The following AFG1L variants were observed in gnomAD, a reference collection of about 807,000 sequenced individuals.
AFG1L encodes AFG1-like ATPase.
Under a neutral mutation model 62.2 loss-of-function variants are expected in AFG1L, and 53 were observed. The observed-to-expected ratio is 0.85, with a 90% CI of 0.68 to 1.07. The LOEUF is 1.07. AFG1L is among the 50% of genes least tolerant of loss of function. AFG1L has a pLI of 0.00. For missense variants in AFG1L, 555 were observed against 590.5 expected (o/e 0.94, Z 0.62); for synonymous variants, 228 against 210.3 (o/e 1.08, Z -0.73).
At chr6:108,300,412 A>T (rs374840610) in intron 1 of AFG1L, among the ~76,000 whole-genome samples, 75 of 151,972 alleles carry the variant, frequency 4.9e-4, no homozygotes, top group African/African-American at 1.7e-3. Context: ...TTGGACCCCC[A>T]AAGTGCAGGG....
chr6:108,504,570 C>G (rs780950738), intron 10 of AFG1L, among the ~76,000 whole-genome samples: 1 of 152,124 alleles, frequency 6.6e-6, no homozygotes, highest in African/African-American at 2.4e-5. Flanking sequence ...AAAAGTGTGA[C>G]ATATTGTGGC....
chr6:108,519,658 G>A lies in AFG1L; in HGVS notation c.1204-39G>A, dbSNP rs201798219. On this transcript the variant is annotated intron_variant, in intron 11 of 12. Transcript: ENST00000368977. ...TTTTCTTACCTTCAACTTGTGAAAT[G>A]TAAAGAGTAACACATTTACCCATTT... is the stretch of plus-strand genomic sequence containing the variant. 9.7e-5 allele frequency: 103 copies of A among 1,064,214 alleles called. 2 individuals are homozygous for A. Among genetic ancestry groups the A allele is most frequent in the South Asian group, 7.3e-4 (54 of 74,360 alleles). The allele number at this position is 1,064,214 out of a possible 1,614,324, so 65.9% of individuals were successfully genotyped here.
At chr6:108,421,838 G>A (rs1177221906) in intron 7 of AFG1L, among the ~76,000 whole-genome samples, 1 of 151,750 alleles carries the variant, frequency 6.6e-6, no homozygotes, top group African/African-American at 2.4e-5. Context: ...TTCTTTGCTT[G>A]CACCTCCAAT....
chr6:108,462,029 A>G (rs1582621454), intron 8 of AFG1L, among the ~76,000 whole-genome samples: 1 of 152,000 alleles, frequency 6.6e-6, no homozygotes, highest in African/African-American at 2.4e-5. Context: ...TGGGAGGTGG[A>G]GCTTGCAGTG....
At chr6:108,520,925 G>A (rs1324044606) in intron 12 of AFG1L, 2 of 152,222 alleles carry the variant, frequency 1.3e-5, no homozygotes, top group Non-Finnish European at 2.9e-5. Flanking sequence ...TCTGGGGCAT[G>A]TTTTATAAAG....
chr6:108,388,626 C>T (rs1399763376), intron 6 of AFG1L, among the ~76,000 whole-genome samples: 6 of 151,694 alleles, frequency 4.0e-5, no homozygotes, highest in South Asian at 2.1e-4. Context: ...GCCTTCATTT[C>T]GTTATGTACC....
intron 7 of AFG1L, among the ~76,000 whole-genome samples, chr6:108,431,665 A>G (rs1771083887): frequency 7.0e-6 from 1 of 142,322 alleles, no homozygotes; most frequent in African/African-American, 2.7e-5. Flanking sequence ...CAATAGCACG[A>G]TCTCAGCTCA....
intron 2 of AFG1L, among the ~76,000 whole-genome samples, chr6:108,340,528 C>G (rs772720580): frequency 3.3e-5 from 5 of 152,002 alleles, no homozygotes; most frequent in Non-Finnish European, 7.4e-5. Context: ...CCACAGCCAG[C>G]TAATATTTGT....
intron 2 of AFG1L, among the ~76,000 whole-genome samples, chr6:108,334,163 C>T (rs549481942): frequency 6.6e-5 from 10 of 152,156 alleles, no homozygotes; most frequent in Middle Eastern, 3.4e-3. Flanking sequence ...TGCGCCACCA[C>T]GCCTGGCTAA....
intron 8 of AFG1L, among the ~76,000 whole-genome samples, chr6:108,466,742 TTAAAATATATTTG>T (rs1471194264): frequency 7.5e-6 from 1 of 133,160 alleles, no homozygotes; most frequent in Admixed American, 7.5e-5. Flanking sequence ...TATATATTTT[TTAAAATATATTTG>T]TTAAAATATA....
intron 7 of AFG1L, among the ~76,000 whole-genome samples, chr6:108,411,378 TA>T (rs200355776): frequency 0.022 from 3,375 of 152,222 alleles, 118 homozygotes; most frequent in African/African-American, 0.074. Context: ...TCTGTATATT[TA>T]AAAGTCCCTG....
intron 8 of AFG1L, among the ~76,000 whole-genome samples, chr6:108,472,485 G>A (rs1772934790): frequency 6.6e-6 from 1 of 152,186 alleles, no homozygotes; most frequent in East Asian, 1.9e-4. Context: ...ACATCATGTA[G>A]TACACCTTAA....
intron 8 of AFG1L, among the ~76,000 whole-genome samples, chr6:108,460,517 T>A (rs1772413858): frequency 6.6e-6 from 1 of 152,236 alleles, no homozygotes; most frequent in African/African-American, 2.4e-5. Context: ...ATTTGCTTTT[T>A]ACTTTTTGTT....
intron 3 of AFG1L, among the ~76,000 whole-genome samples, chr6:108,353,153 A>AT (rs35734578): frequency 9.8e-4 from 118 of 121,018 alleles, no homozygotes; most frequent in African/African-American, 2.3e-3. Flanking sequence ...ACAATGTTTA[A>AT]TTTTTTTTTT....
chr6:108,494,504 AT>A (rs1243551887), intron 10 of AFG1L, among the ~76,000 whole-genome samples: 4 of 152,058 alleles, frequency 2.6e-5, no homozygotes, highest in Non-Finnish European at 5.9e-5. Context: ...AATCTGGCAG[AT>A]TTAGGTAGAA....
chr6:108,394,698 T>C (rs2114606412), intron 6 of AFG1L, among the ~76,000 whole-genome samples: 1 of 152,370 alleles, frequency 6.6e-6, no homozygotes, highest in African/African-American at 2.4e-5. Context: ...TGTACAGATA[T>C]GGCACAATTT....
chr6:108,400,116 C>G lies in AFG1L; in HGVS notation c.749-1880C>G, dbSNP rs114182939. On this transcript the variant is annotated intron_variant, in intron 6 of 12. Coordinates refer to ENST00000368977, the MANE Select transcript of AFG1L (RefSeq NM_145315.5). ...CTTTAGGTTTTTCCAAATATAAGCT[C>G]GTGTCACCTGCAAACAAGGATAATT... Among the ~76,000 whole-genome samples the G allele has an allele frequency of 4.3e-3, 659 of 152,184 alleles. 5 individuals are homozygous for G. The highest frequency in any genetic ancestry group is 0.014 in the African/African-American group (562 of 41,526).
intron 6 of AFG1L, chr6:108,387,506 TG>T (rs895534669): frequency 6.6e-6 from 1 of 152,300 alleles, no homozygotes; most frequent in African/African-American, 2.4e-5. Context: ...CCCTTGTTCC[TG>T]GGCCATAGTG....
intron 8 of AFG1L, among the ~76,000 whole-genome samples, chr6:108,451,410 G>T (rs1415799048): frequency 6.6e-6 from 1 of 152,078 alleles, no homozygotes; most frequent in African/African-American, 2.4e-5. Flanking sequence ...TCATAATATT[G>T]CCTGAGTCCC....
Sources: allele counts gnomAD v4.1 joint callset (sites outside exome capture counted in the v4.1 genomes callset), GRCh38; gene constraint gnomAD v4.1.1; transcripts MANE v1.5; gene names NCBI Gene and HGNC (gene_info 2026-07-23, HGNC 2026-07-21).